The following PCDHGA1 variants were observed in gnomAD, a reference collection of about 807,000 sequenced individuals.
The protein encoded by PCDHGA1 is protocadherin gamma subfamily A, 1.
PCDHGA1 carries 32 observed loss-of-function variants against 58.0 expected under a neutral mutation model. That is an observed-to-expected ratio of 0.55 (90% CI 0.42 to 0.74). The LOEUF is 0.74. Among genes scored for constraint, PCDHGA1 ranks in the 30% least tolerant of loss-of-function variants. The pLI is 0.00. For missense variants in PCDHGA1, 1,205 were observed against 1,182.3 expected, an observed-to-expected ratio of 1.02 and a Z score of -0.28; for synonymous variants, 498 against 501.1, an observed-to-expected ratio of 0.99 and a Z score of 0.08.
In PCDHGA1 at chr5:141,332,628, C is replaced by T. The variant is rs1256436570; in HGVS notation, c.1944C>T (p.Asp648=). 1 of 1,612,852 alleles carries T rather than the reference C, an allele frequency of 6.2e-7. No homozygotes were observed. Among genetic ancestry groups the T allele is most frequent in the Non-Finnish European group, 8.5e-7 (1 of 1,179,792 alleles). Residue 648 remains aspartate, a synonymous_variant, in exon 1 of 4, where the codon GAC becomes GAT. Coordinates refer to ENST00000517417, the MANE Select transcript of PCDHGA1 (RefSeq NM_018912.3). The surrounding 1 kb of genome is among the most constrained non-coding windows in gnomAD (Gnocchi z 4.6). ...AGAGTCTCGTGGTGGCCGTCCAGGA[C>T]CACGGCCAGCCCCCGCTCTCCGCCA... is the stretch of plus-strand genomic sequence containing the variant. The part of the protein sequence containing the change: ...LKQSLVVAVQ[D]HGQPPLSATV...
Position 141,432,917 on chromosome 5 carries a change from C to A in PCDHGA1, c.2422-61890C>A. 6.2e-7 allele frequency: 1 copy of A among 1,614,166 alleles called. No homozygotes were observed. Among genetic ancestry groups the A allele is most frequent in the South Asian group, 1.1e-5 (1 of 91,086 alleles). On this transcript the variant is annotated intron_variant, in intron 1 of 3. Transcript: ENST00000517417. This position sits in a 1 kb window ranked among gnomAD's most constrained non-coding sequence, Gnocchi z 6.0. The stretch of plus-strand genomic sequence containing the variant: ...GCTGGCGCTCAGGCTGCGGCGCTGG[C>A]ACAAGTCACGCCTGCTGCAGGCTTC...
chr5:141,493,656 T>C lies in PCDHGA1; in HGVS notation c.2422-1151T>C, dbSNP rs1481871984. Among the ~76,000 whole-genome samples, 1 of 152,184 alleles carries C rather than the reference T, an allele frequency of 6.6e-6. No homozygotes were observed. Among genetic ancestry groups the C allele is most frequent in the African/African-American group, 2.4e-5 (1 of 41,454 alleles). ...CTGAGGGCTGGCCATCCCTGTGCCC[T>C]TCTCCATGGCAGCCCCAGAATGGTG... On this transcript the variant is annotated intron_variant, in intron 1 of 3. Coordinates refer to ENST00000517417, the MANE Select transcript of PCDHGA1 (RefSeq NM_018912.3). The surrounding 1 kb of genome is among the most constrained non-coding windows in gnomAD (Gnocchi z 4.3).
At chr5:141,387,844 G>A in intron 1 of PCDHGA1, 1 of 1,597,594 alleles carries the variant, frequency 6.3e-7, no homozygotes, top group South Asian at 1.1e-5. Flanking sequence ...TTGTAACCCG[G>A]CGTCTCCAGG....
At chr5:141,422,301 G>A (rs777697738) in intron 1 of PCDHGA1, 36 of 1,549,184 alleles carry the variant, frequency 2.3e-5, no homozygotes, top group Non-Finnish European at 3.1e-5. Flanking sequence ...ATTCAATTCT[G>A]GAAAACTCTC....
At chr5:141,371,591 A>C (rs1767870788) in intron 1 of PCDHGA1, 2 of 1,614,016 alleles carry the variant, frequency 1.2e-6, no homozygotes, top group African/African-American at 2.7e-5. Context: ...AAGATACCAA[A>C]AACACATACA....
Position 141,384,181 on chromosome 5 carries a change from G to A in PCDHGA1, c.2421+51076G>A, listed in dbSNP as rs765782736. ...CATCACACTGAAAGCCACAGATGGTGGAACTCCTCCCTTGTCCAGGGAAAC... is the reference window on the plus strand; with the variant it reads ...CATCACACTGAAAGCCACAGATGGTAGAACTCCTCCCTTGTCCAGGGAAAC... On this transcript the variant is annotated intron_variant, in intron 1 of 3. Coordinates refer to ENST00000517417, the MANE Select transcript of PCDHGA1 (RefSeq NM_018912.3). 18 of 1,613,702 alleles carry A rather than the reference G, an allele frequency of 1.1e-5. No homozygotes were observed. Among genetic ancestry groups the A allele is most frequent in the Non-Finnish European group, 1.4e-5 (16 of 1,179,868 alleles).
At chr5:141,471,252 T>C (rs1003162914) in intron 1 of PCDHGA1, 1 of 151,872 alleles carries the variant, frequency 6.6e-6, no homozygotes, top group Non-Finnish European at 1.5e-5. Flanking sequence ...GGTTTCACCA[T>C]GTTGGCAAGG....
At chr5:141,419,889 A>T in intron 1 of PCDHGA1, 1 of 1,614,084 alleles carries the variant, frequency 6.2e-7, no homozygotes, top group Middle Eastern at 1.6e-4. Flanking sequence ...GATTTCAGCG[A>T]CCATCCCACA....
chr5:141,345,457 C>A, intron 1 of PCDHGA1: 1 of 1,614,160 alleles, frequency 6.2e-7, no homozygotes, highest in Non-Finnish European at 8.5e-7. Context: ...TTCTCAGTGA[C>A]AGCCCAGGAC....
At chr5:141,423,499 G>T (rs1590485367) in intron 1 of PCDHGA1, 1 of 1,613,966 alleles carries the variant, frequency 6.2e-7, no homozygotes, top group Non-Finnish European at 8.5e-7. Context: ...TTCCCACGAG[G>T]TCTCTCTCAT....
intron 1 of PCDHGA1, among the ~76,000 whole-genome samples, chr5:141,397,821 T>C (rs1225096146): frequency 2.0e-5 from 3 of 152,238 alleles, no homozygotes; most frequent in African/African-American, 7.2e-5. Context: ...AAACAATTAC[T>C]GCACTGGTTA....
At chr5:141,373,899 T>C in intron 1 of PCDHGA1, 1 of 545,494 alleles carries the variant, frequency 1.8e-6, no homozygotes. Flanking sequence ...TCAAGTTACA[T>C]CCTCCAACAA....
intron 1 of PCDHGA1, chr5:141,405,107 T>A: frequency 6.2e-7 from 1 of 1,613,998 alleles, no homozygotes; most frequent in African/African-American, 1.3e-5. Flanking sequence ...GCTGAGGCAC[T>A]GGCACTCCTC....
At chr5:141,483,207 A>G (rs1225621725) in intron 1 of PCDHGA1, among the ~76,000 whole-genome samples, 1 of 152,224 alleles carries the variant, frequency 6.6e-6, no homozygotes, top group African/African-American at 2.4e-5. Context: ...TATTCCATAT[A>G]GATGACAGTC....
At chr5:141,501,206 A>G (rs977574347) in intron 2 of PCDHGA1, among the ~76,000 whole-genome samples, 22 of 151,674 alleles carry the variant, frequency 1.5e-4, no homozygotes, top group African/African-American at 5.3e-4. Context: ...GGGTGTTGTC[A>G]GGGTGACTTC....
At chr5:141,333,149 A>G (rs1253415941) in intron 1 of PCDHGA1, 44 bp downstream of exon 1, 2 of 1,612,104 alleles carry the variant, frequency 1.2e-6, no homozygotes, top group Middle Eastern at 1.7e-4. Context: ...GAGAAAAATA[A>G]TTCTTGATTT....
intron 1 of PCDHGA1, chr5:141,430,974 C>G: frequency 6.2e-7 from 1 of 1,613,072 alleles, no homozygotes; most frequent in East Asian, 2.2e-5. Flanking sequence ...AGAGGTAGGA[C>G]GCAGCTTTTC....
intron 1 of PCDHGA1, among the ~76,000 whole-genome samples, chr5:141,459,613 C>T (rs1040874685): frequency 2.6e-5 from 4 of 152,188 alleles, no homozygotes; most frequent in African/African-American, 9.7e-5. Context: ...ATATGCTTAA[C>T]TTTATAAGAA....
intron 1 of PCDHGA1, chr5:141,364,345 T>G (rs1763271329): frequency 6.5e-7 from 1 of 1,542,970 alleles, no homozygotes; most frequent in African/African-American, 1.4e-5. Flanking sequence ...CGAGTCCACC[T>G]AGGGGCTGGG....
Sources: allele counts gnomAD v4.1 joint callset (sites outside exome capture counted in the v4.1 genomes callset), GRCh38; gene constraint gnomAD v4.1.1; non-coding constraint Gnocchi (gnomAD v3.1); transcripts MANE v1.5; gene names NCBI Gene and HGNC (gene_info 2026-07-23, HGNC 2026-07-21).